CACNA1D: variants seen among roughly 807,000 people sequenced by gnomAD.
The protein encoded by CACNA1D is voltage-dependent L-type calcium channel subunit alpha-1D.
CACNA1D carries 55 observed loss-of-function variants against 257.1 expected under a neutral mutation model. The observed-to-expected ratio is 0.21, with a 90% CI of 0.17 to 0.27. CACNA1D has a LOEUF of 0.27. Among genes scored for constraint, CACNA1D ranks in the 10% least tolerant of loss-of-function variants. The pLI is 1.00. For synonymous variants in CACNA1D, 980 were observed against 1,014.9 expected (o/e 0.97, Z 0.65); for missense variants, 1,876 against 2,784.0 (o/e 0.67, Z 7.34).
rs182655858 is a variant in CACNA1D, at chr3:53,793,465, G to A, written c.4923+6513G>A. On this transcript the variant is annotated intron_variant, in intron 40 of 47. Coordinates refer to ENST00000350061, the MANE Select transcript of CACNA1D (RefSeq NM_001128840.3). The surrounding 1 kb of genome is among the most constrained non-coding windows in gnomAD (Gnocchi z 4.1). The stretch of plus-strand genomic sequence containing the variant: ...TCTGTCTCAGAGGGCCGGTGTGACC[G>A]ACCTTCTAGATCCAAGATTCCATAC... Among the ~76,000 whole-genome samples, 82 of 152,286 alleles carry A rather than the reference G, an allele frequency of 5.4e-4. No homozygotes were observed. Among genetic ancestry groups the A allele is most frequent in the South Asian group, 8.3e-4 (4 of 4,830 alleles).
chr3:53,508,510 G>A (rs1348577804), intron 3 of CACNA1D, among the ~76,000 whole-genome samples: 1 of 152,132 alleles, frequency 6.6e-6, no homozygotes, highest in Non-Finnish European at 1.5e-5. Context: ...CCCAGTGTCT[G>A]TTGTTTCCCT....
At chr3:53,609,843 G>T (rs2093561271) in intron 3 of CACNA1D, among the ~76,000 whole-genome samples, 2 of 152,138 alleles carry the variant, frequency 1.3e-5, no homozygotes, top group Non-Finnish European at 2.9e-5. Context: ...GTGGTAGAAG[G>T]TTGCACAATT....
At chr3:53,674,775 G>C (rs375646495) in intron 8 of CACNA1D, among the ~76,000 whole-genome samples, 3 of 152,304 alleles carry the variant, frequency 2.0e-5, no homozygotes, top group East Asian at 3.9e-4. Context: ...TGGGGGGCAG[G>C]CAGGATACCA....
chr3:53,759,449 C>A (rs1032246696), intron 29 of CACNA1D, among the ~76,000 whole-genome samples: 1 of 152,196 alleles, frequency 6.6e-6, no homozygotes, highest in African/African-American at 2.4e-5. Flanking sequence ...GCGGCGCACA[C>A]GGTACAAATG....
chr3:53,732,990 G>T, intron 19 of CACNA1D, 28 bp downstream of exon 19: 4 of 1,613,034 alleles, frequency 2.5e-6, no homozygotes, highest in Non-Finnish European at 3.4e-6. Flanking sequence ...AGTCTCTCAC[G>T]GCTGCCTCTT....
At chr3:53,809,870 T>C in intron 46 of CACNA1D, 108 bp from the exon 47 acceptor site, 1 of 984,464 alleles carries the variant, frequency 1.0e-6, no homozygotes. Context: ...AGTCCTTGCC[T>C]GGACTGCCCC....
intron 9 of CACNA1D, among the ~76,000 whole-genome samples, chr3:53,707,796 A>C (rs1179530350): frequency 3.2e-5 from 3 of 92,928 alleles, no homozygotes; most frequent in African/African-American, 1.5e-4. Context: ...ATTAGTCTTA[A>C]AAAAAAAAAG....
At chr3:53,651,361 A>ATTTTATTTT (rs1576235107) in intron 4 of CACNA1D, among the ~76,000 whole-genome samples, 2 of 57,164 alleles carry the variant, frequency 3.5e-5, no homozygotes, top group African/African-American at 1.6e-4. Flanking sequence ...AAAGCTATTA[A>ATTTTATTTT]TTTTCTTTTT....
At position 53,538,141 on chromosome 3, in the gene CACNA1D, G is replaced by GTTTTTTTTTTTT. The variant is rs538996336; in HGVS notation, c.483+36436_483+36447dup. Among the ~76,000 whole-genome samples the GTTTTTTTTTTTT allele has an allele frequency of 6.7e-4, 61 of 90,464 alleles. 12 individuals carry two copies. The highest frequency in any genetic ancestry group is 3.3e-3 in the African/African-American group (55 of 16,670). The allele number at this position is 90,464 out of a possible 152,430, so 59.3% of individuals were successfully genotyped here. On this transcript the variant is annotated intron_variant, in intron 3 of 47. Coordinates refer to ENST00000350061, the MANE Select transcript of CACNA1D (RefSeq NM_001128840.3). The stretch of plus-strand genomic sequence containing the variant: ...TTCTCCATATTTACCAGTTTTTGAA[G>GTTTTTTTTTTTT]TTTTTTTTTTTTTTTTTTTTTTTTT...
intron 3 of CACNA1D, among the ~76,000 whole-genome samples, chr3:53,601,252 C>T (rs1015567815): frequency 4.6e-5 from 7 of 152,342 alleles, no homozygotes; most frequent in African/African-American, 1.4e-4. Context: ...GCATGGCTTA[C>T]TCAAGCTTTG....
chr3:53,641,162 G>A (rs577754381), intron 3 of CACNA1D, among the ~76,000 whole-genome samples: 2 of 152,280 alleles, frequency 1.3e-5, no homozygotes, highest in South Asian at 2.1e-4. Flanking sequence ...CACTGTCCTC[G>A]CTGGACCCAT....
chr3:53,802,338 A>G (rs908117842), intron 43 of CACNA1D, among the ~76,000 whole-genome samples, 165 bp downstream of exon 43: 1 of 152,252 alleles, frequency 6.6e-6, no homozygotes, highest in Admixed American at 6.5e-5. Flanking sequence ...GCTTCTAAGC[A>G]AAGGCACCTT....
intron 3 of CACNA1D, among the ~76,000 whole-genome samples, chr3:53,626,946 G>A (rs1268365327): frequency 6.6e-6 from 1 of 152,198 alleles, no homozygotes; most frequent in Non-Finnish European, 1.5e-5. Context: ...GGGGGCGTGG[G>A]CTGCTCTCCC....
At chr3:53,521,230 T>TG in intron 3 of CACNA1D, among the ~76,000 whole-genome samples, 1 of 152,040 alleles carries the variant, frequency 6.6e-6, no homozygotes, top group South Asian at 2.1e-4. Context: ...TTTGTAGAGA[T>TG]GGGGGTCCTG....
chr3:53,623,724 G>A (rs890820843), intron 3 of CACNA1D, among the ~76,000 whole-genome samples: 6 of 150,972 alleles, frequency 4.0e-5, no homozygotes, highest in East Asian at 1.9e-4. Context: ...TACTTCCAGC[G>A]TCTCTGACTC....
intron 3 of CACNA1D, among the ~76,000 whole-genome samples, chr3:53,630,636 C>T (rs926552047): frequency 4.6e-5 from 7 of 152,130 alleles, no homozygotes; most frequent in African/African-American, 1.2e-4. Flanking sequence ...ATGGCTTGGG[C>T]GTTAGTCATT....
intron 9 of CACNA1D, among the ~76,000 whole-genome samples, chr3:53,706,518 C>G (rs548025057): frequency 6.6e-6 from 1 of 152,332 alleles, no homozygotes; most frequent in East Asian, 1.9e-4. Flanking sequence ...CCCCATGGGG[C>G]TGTTGTGACA....
chr3:53,751,274 G>A lies in CACNA1D; in HGVS notation c.3517-475G>A, dbSNP rs1336880271. ...CTTGGGGAATGAGCCAGCCCCTCTC[G>A]TTCTTGTGAGTTTCTGTGGTTACTT... On this transcript the variant is annotated intron_variant, in intron 27 of 47. Transcript: ENST00000350061. The surrounding 1 kb of genome is among the most constrained non-coding windows in gnomAD (Gnocchi z 4.3). Among the ~76,000 whole-genome samples, 7 of 152,350 alleles carry A rather than the reference G, an allele frequency of 4.6e-5. No homozygotes were observed. In the East Asian group the frequency reaches 7.7e-4, roughly 17 times the overall value.
intron 3 of CACNA1D, among the ~76,000 whole-genome samples, chr3:53,621,214 C>T (rs771215426): frequency 1.3e-4 from 20 of 152,050 alleles, no homozygotes; most frequent in Non-Finnish European, 2.4e-4. Context: ...ATGCAGCTCC[C>T]TCAGCTTCTC....
Sources: gnomAD v4.1 joint callset for allele counts (sites outside exome capture counted in the v4.1 genomes callset) on GRCh38, gnomAD v4.1.1 for gene constraint, Gnocchi (gnomAD v3.1) non-coding constraint, MANE v1.5 for transcripts, NCBI Gene and HGNC (gene_info 2026-07-23, HGNC 2026-07-21) for gene names.